UTP25: variants seen among roughly 807,000 people sequenced by gnomAD.
UTP25 encodes UTP25 small subunit processome component.
In UTP25, 50 loss-of-function variants were observed where a neutral mutation model predicts 78.9. That is an observed-to-expected ratio of 0.63 (90% CI 0.50 to 0.80). The LOEUF is 0.80. Among genes scored for constraint, UTP25 ranks in the 30% least tolerant of loss-of-function variants. The pLI, the probability that UTP25 is intolerant of heterozygous loss-of-function variation, is 0.00. For synonymous variants in UTP25, 329 were observed against 336.5 expected (o/e 0.98, Z 0.24); for missense variants, 846 against 911.3 (o/e 0.93, Z 0.92).
chr1:209,830,755 A>G, intron 2 of UTP25, 48 bp from the exon 3 acceptor site: 2 of 1,587,320 alleles, frequency 1.3e-6, no homozygotes, highest in African/African-American at 1.4e-5. Flanking sequence ...TAGGGTAACA[A>G]TAAGAACAAT....
At chr1:209,833,163 A>T in intron 3 of UTP25, 22 bp from the exon 4 acceptor site, 2 of 1,596,722 alleles carry the variant, frequency 1.3e-6, no homozygotes, top group Non-Finnish European at 1.7e-6. Flanking sequence ...ATAATTTTAT[A>T]AAATGTTTCT....
In UTP25 at chr1:209,843,530, T is replaced by C; in HGVS notation, c.1861T>C (p.Tyr621His). ...TCACACGCTCATCTATATCCCCTCCTACTTTGACTTCGTGCGTCTTCGAAA... is the reference window on the plus strand; with the variant it reads ...TCACACGCTCATCTATATCCCCTCCCACTTTGACTTCGTGCGTCTTCGAAA... ...MSHTLIYIPS[Y>H]FDFVRLRNYF... Residue 621 changes from tyrosine (Y) to histidine (H), a missense_variant, in exon 11 of 12, where the codon TAC (tyrosine) becomes CAC (histidine). By Grantham distance (83) the Tyr-to-His change is moderately conservative (BLOSUM62 2). Transcript: ENST00000491415. The C allele has an allele frequency of 6.2e-7, 1 of 1,614,214 alleles. No individual in the cohort carries two copies. The highest frequency in any genetic ancestry group is 1.1e-5 in the South Asian group (1 of 91,086).
At chr1:209,844,763 C>T (rs1267087638) in intron 11 of UTP25, 2 of 151,838 alleles carry the variant, frequency 1.3e-5, no homozygotes, top group Non-Finnish European at 2.9e-5. Flanking sequence ...TGCTAAGTCT[C>T]TCTCTGTTGA....
At chr1:209,837,329 G>A in intron 6 of UTP25, 118 bp downstream of exon 6, 1 of 1,200,870 alleles carries the variant, frequency 8.3e-7, no homozygotes, top group South Asian at 1.6e-5. Context: ...TAATGAATGA[G>A]CCCAAATGTG....
chr1:209,841,830 C>T (rs1017906467), intron 8 of UTP25, among the ~76,000 whole-genome samples: 3 of 152,192 alleles, frequency 2.0e-5, no homozygotes. Context: ...AGGCATTTGG[C>T]ATAGTCGAGT....
rs2078239939 is a variant in UTP25, at chr1:209,851,695, A to T, written c.*248A>T. The T allele has an allele frequency of 2.9e-6, 1 of 345,666 alleles. No homozygotes were observed. Among genetic ancestry groups the T allele is most frequent in the African/African-American group, 2.1e-5 (1 of 47,656 alleles). 21.4% of individuals were successfully genotyped at this position (345,666 alleles called of 1,614,324 possible). On this transcript the variant is annotated 3_prime_UTR_variant, in exon 12 of 12. Coordinates refer to ENST00000491415, the MANE Select transcript of UTP25 (RefSeq NM_014388.7). ...GCTAGAAGGACTCTGAGAAGTTGGT[A>T]GAAGAAAACTCCCACTTGTGAATAT...
chr1:209,835,702 A>G (rs557082216), intron 5 of UTP25, among the ~76,000 whole-genome samples: 3 of 152,098 alleles, frequency 2.0e-5, no homozygotes, highest in African/African-American at 7.2e-5. Flanking sequence ...CCTTTTTTTA[A>G]TTGAAATTTT....
Position 209,842,559 on chromosome 1 carries a change from A to G in UTP25, c.1669-24A>G, listed in dbSNP as rs113151199. On this transcript the variant is annotated intron_variant, in intron 9 of 11. Coordinates refer to ENST00000491415, the MANE Select transcript of UTP25 (RefSeq NM_014388.7). ...TCAAGAAGGGGATGGCTGTCCACCT[A>G]ACGCTCTTGTTGACTACTGGCAGGT... The G allele has an allele frequency of 2.7e-3, 4,302 of 1,612,314 alleles. 10 individuals are homozygous for G. Among genetic ancestry groups the G allele is most frequent in the South Asian group, 4.9e-3 (450 of 91,006 alleles).
intron 11 of UTP25, 86 bp downstream of exon 11, chr1:209,843,782 C>T (rs183804525): frequency 4.0e-6 from 6 of 1,507,588 alleles, no homozygotes; most frequent in East Asian, 2.3e-5. Context: ...TGGCAGGCTT[C>T]GTGGTGTTGA....
intron 3 of UTP25, among the ~76,000 whole-genome samples, chr1:209,832,116 G>A (rs1050443856): frequency 4.0e-5 from 6 of 149,812 alleles, no homozygotes; most frequent in Admixed American, 2.7e-4. Flanking sequence ...ATTTTTCTTT[G>A]CTTTTTTGGA....
Position 209,843,601 on chromosome 1 carries a change from C to A in UTP25, c.1932C>A (p.Tyr644Ter), listed in dbSNP as rs777451220. 3.7e-6 allele frequency: 6 copies of A among 1,614,068 alleles called. No individual in the cohort carries two copies. The highest frequency in any genetic ancestry group is 5.1e-6 in the Non-Finnish European group (6 of 1,180,034). ...TGAATTTTACCCACATCTGCGAGTACACGCAGAAGTCTGGTGTCTCCAGGG... is the reference window on the plus strand; with the variant it reads ...TGAATTTTACCCACATCTGCGAGTAAACGCAGAAGTCTGGTGTCTCCAGGG... ...EELNFTHICE[Y>*]TQKSGVSRAR... Residue 644 changes from tyrosine (Y) to a stop codon, truncating the protein, a stop_gained, in exon 11 of 12, where the codon TAC (tyrosine) becomes TAA (stop). Coordinates refer to ENST00000491415, the MANE Select transcript of UTP25 (RefSeq NM_014388.7). LOFTEE classifies it high-confidence loss of function.
chr1:209,831,667 G>A (rs1448710408), intron 3 of UTP25, among the ~76,000 whole-genome samples: 5 of 152,120 alleles, frequency 3.3e-5, no homozygotes, highest in African/African-American at 1.2e-4. Context: ...TCCAAATCAA[G>A]ATACAGAACA....
chr1:209,829,051 G>T (rs537386722), intron 1 of UTP25, among the ~76,000 whole-genome samples: 1 of 152,276 alleles, frequency 6.6e-6, no homozygotes, highest in East Asian at 1.9e-4. Context: ...TGGAATTACA[G>T]GCGTGAACCA....
At chr1:209,849,275 G>A (rs974056876) in intron 11 of UTP25, among the ~76,000 whole-genome samples, 4 of 152,174 alleles carry the variant, frequency 2.6e-5, no homozygotes, top group African/African-American at 4.8e-5. Flanking sequence ...GATCTTTGTG[G>A]TGAAGTGTAT....
chr1:209,828,046 A>G lies in UTP25; in HGVS notation c.-18A>G. 6.2e-7 allele frequency: 1 copy of G among 1,609,844 alleles called. No homozygotes were observed. ...AAAACCGCGACTCTTGCAAGTGGGC[A>G]AACTTGACGTTTTCGCTATGGGCAA... On this transcript the variant is annotated 5_prime_UTR_variant, in exon 1 of 12. Transcript: ENST00000491415.
At chr1:209,849,831 G>A (rs1218702809) in intron 11 of UTP25, among the ~76,000 whole-genome samples, 3 of 152,200 alleles carry the variant, frequency 2.0e-5, no homozygotes, top group Non-Finnish European at 4.4e-5. Context: ...TCTTTCTCCT[G>A]TGCTCTGCCT....
chr1:209,835,876 T>G (rs1212485511), intron 5 of UTP25, among the ~76,000 whole-genome samples: 2 of 152,218 alleles, frequency 1.3e-5, no homozygotes, highest in Non-Finnish European at 2.9e-5. Flanking sequence ...CTTACTCAGA[T>G]CTGGTTTTAC....
chr1:209,843,058 T>C (rs2078176627), intron 10 of UTP25: 1 of 330,994 alleles, frequency 3.0e-6, no homozygotes, highest in Non-Finnish European at 5.6e-6. Context: ...TTTCCCCCTT[T>C]TTCTTCATTG....
rs762711108 is a variant in UTP25 at position 209,843,714 on chromosome 1, T to C, written c.2027+18T>C. The C allele has an allele frequency of 6.2e-7, 1 of 1,608,354 alleles. No individual in the cohort carries two copies. The highest frequency in any genetic ancestry group is 2.2e-5 in the East Asian group (1 of 44,804). On this transcript the variant is annotated intron_variant, in intron 11 of 11. Coordinates refer to ENST00000491415, the MANE Select transcript of UTP25 (RefSeq NM_014388.7). The stretch of plus-strand genomic sequence containing the variant: ...TACAAAAGGTAAAGTGGTGCCAGGT[T>C]TCAAGCCTCCTCTCTGAAGGGGAGG...
Sources: gnomAD v4.1 joint callset for allele counts (sites outside exome capture counted in the v4.1 genomes callset) on GRCh38, gnomAD v4.1.1 for gene constraint, MANE v1.5 for transcripts, NCBI Gene and HGNC (gene_info 2026-07-23, HGNC 2026-07-21) for gene names.